Variants in PHF21A observed in about 807,000 individuals in gnomAD.
PHF21A encodes PHD finger protein 21A, also known as BHC80a.
PHF21A carries 11 observed loss-of-function variants against 82.5 expected under a neutral mutation model. The observed-to-expected ratio is 0.13, with a 90% CI of 0.08 to 0.22. PHF21A has a LOEUF of 0.22. Among genes scored for constraint, PHF21A ranks in the 10% least tolerant of loss-of-function variants. The probability of loss-of-function intolerance (pLI) is 1.00; values close to 1 mark genes in which losing one functional copy is unlikely to be tolerated. For missense variants in PHF21A, 579 were observed against 837.8 expected (o/e 0.69, Z 3.81); for synonymous variants, 297 against 302.8 (o/e 0.98, Z 0.20).
chr11:45,958,070 T>TA (rs2092795858), intron 10 of PHF21A, among the ~76,000 whole-genome samples: 1 of 151,802 alleles, frequency 6.6e-6, no homozygotes, highest in African/African-American at 2.4e-5. Context: ...TGACTCAAGA[T>TA]AAAGAAAATC....
intron 7 of PHF21A, among the ~76,000 whole-genome samples, chr11:45,974,620 A>AT (rs35677534): frequency 0.53 from 79,825 of 151,000 alleles, 23,282 homozygotes; most frequent in Non-Finnish European, 0.66. Context: ...CACCTGGCTA[A>AT]TTTTTTTTAT....
At chr11:45,938,043 C>T (rs1033816172) in intron 16 of PHF21A, 114 bp downstream of exon 16, 35 of 896,122 alleles carry the variant, frequency 3.9e-5, no homozygotes, top group East Asian at 5.2e-5. Context: ...AGATGCAGCC[C>T]GGAGACGGAC....
chr11:46,119,111 T>TAAA (rs33935532), intron 1 of PHF21A, among the ~76,000 whole-genome samples: 151 of 149,976 alleles, frequency 1.0e-3, no homozygotes, highest in Admixed American at 1.9e-3. Flanking sequence ...ACAACTGCTT[T>TAAA]AAAAAAAAAA....
chr11:46,032,196 C>T (rs929237678), intron 6 of PHF21A, among the ~76,000 whole-genome samples: 1 of 151,878 alleles, frequency 6.6e-6, no homozygotes, highest in Non-Finnish European at 1.5e-5. Flanking sequence ...TCACAAAAAG[C>T]GAAAATATCA....
intron 1 of PHF21A, among the ~76,000 whole-genome samples, chr11:46,098,834 G>A (rs140795845): frequency 7.9e-5 from 12 of 152,326 alleles, no homozygotes; most frequent in Middle Eastern, 3.4e-3. Context: ...AGTTCTGGGT[G>A]TAAACCATAA....
chr11:46,059,883 C>T (rs918642950), intron 6 of PHF21A, among the ~76,000 whole-genome samples: 13 of 152,174 alleles, frequency 8.5e-5, no homozygotes, highest in Admixed American at 5.2e-4. Context: ...CCCACCACCA[C>T]GCCCAGCTGA....
chr11:46,103,220 A>G (rs1242501610), intron 1 of PHF21A, among the ~76,000 whole-genome samples: 1 of 152,366 alleles, frequency 6.6e-6, no homozygotes, highest in East Asian at 1.9e-4. Context: ...ACACATATTT[A>G]TCAAAATGAA....
chr11:46,079,830 TGGAAAGGAAA>T (rs773773637), intron 4 of PHF21A, among the ~76,000 whole-genome samples: 2 of 70,966 alleles, frequency 2.8e-5, no homozygotes, highest in Non-Finnish European at 5.9e-5. Flanking sequence ...CCCAAACAAA[TGGAAAGGAAA>T]GGAAAGGAAA....
Position 46,014,760 on chromosome 11 carries a change from C to G in PHF21A, c.154-34794G>C, listed in dbSNP as rs537030393. Reference sequence around the variant, plus strand: ...CTTTGGGAGGCCGAGGCGGGCGGATCACGAGGTCAGGAGATCGAGACCATC... The same window carrying G: ...CTTTGGGAGGCCGAGGCGGGCGGATGACGAGGTCAGGAGATCGAGACCATC... On this transcript the variant is annotated intron_variant, in intron 6 of 18. Coordinates refer to ENST00000676320, the MANE Select transcript of PHF21A (RefSeq NM_001352027.3). Among the ~76,000 whole-genome samples the G allele has an allele frequency of 5.6e-3, 273 of 48,768 alleles. 63 individuals are homozygous for G. The highest frequency in any genetic ancestry group is 8.3e-3 in the African/African-American group (34 of 4,084). 32.0% of individuals were successfully genotyped at this position (48,768 alleles called of 152,430 possible).
intron 7 of PHF21A, among the ~76,000 whole-genome samples, chr11:45,975,661 C>G (rs1416727109): frequency 6.6e-6 from 1 of 152,106 alleles, no homozygotes; most frequent in Non-Finnish European, 1.5e-5. Flanking sequence ...GGAGAGTATA[C>G]CTGTATTTAA....
chr11:46,114,092 C>T (rs1027426323), intron 1 of PHF21A, among the ~76,000 whole-genome samples: 2 of 151,310 alleles, frequency 1.3e-5, no homozygotes, highest in African/African-American at 4.9e-5. Context: ...TCCCTACACA[C>T]ACACACACAC....
chr11:46,022,293 A>G (rs1260052218), intron 6 of PHF21A, among the ~76,000 whole-genome samples: 1 of 152,086 alleles, frequency 6.6e-6, no homozygotes, highest in Non-Finnish European at 1.5e-5. Context: ...ATTTCTACAA[A>G]AAAATTTAAA....
At chr11:45,969,719 T>C (rs1050326511) in intron 9 of PHF21A, 96 bp downstream of exon 9, 4 of 771,694 alleles carry the variant, frequency 5.2e-6, no homozygotes, top group Non-Finnish European at 6.8e-6. Flanking sequence ...GATAGACAGC[T>C]GGGCTGACAA....
Position 46,114,590 on chromosome 11 carries a change from G to T in PHF21A, c.-237+6345C>A, listed in dbSNP as rs79911762. ...ACAACATACTGTCCATAAGGCCAGAGATAGCAGTTGCCATGGTTACTATAC... is the reference window on the plus strand; with the variant it reads ...ACAACATACTGTCCATAAGGCCAGATATAGCAGTTGCCATGGTTACTATAC... On this transcript the variant is annotated intron_variant, in intron 1 of 18. Coordinates refer to ENST00000676320, the MANE Select transcript of PHF21A (RefSeq NM_001352027.3). Among the ~76,000 whole-genome samples, 126 of 152,304 alleles carry T rather than the reference G, an allele frequency of 8.3e-4. 1 individual carries two copies. The East Asian group carries it at 0.024, about 28-fold the overall frequency.
intron 6 of PHF21A, among the ~76,000 whole-genome samples, chr11:46,050,041 G>A (rs2096327101): frequency 6.6e-6 from 1 of 152,184 alleles, no homozygotes; most frequent in Non-Finnish European, 1.5e-5. Flanking sequence ...CTGCTCTTAT[G>A]CAATTAAAAG....
At chr11:46,020,868 T>C (rs1412074276) in intron 6 of PHF21A, among the ~76,000 whole-genome samples, 1 of 152,192 alleles carries the variant, frequency 6.6e-6, no homozygotes, top group Non-Finnish European at 1.5e-5. Context: ...TCAGTAAGCT[T>C]CTCAATTAAC....
intron 5 of PHF21A, among the ~76,000 whole-genome samples, chr11:46,077,671 T>C (rs939906663): frequency 3.3e-5 from 5 of 152,214 alleles, no homozygotes; most frequent in African/African-American, 9.7e-5. Flanking sequence ...TTTTTATTAG[T>C]GTATTTGACA....
intron 5 of PHF21A, among the ~76,000 whole-genome samples, chr11:46,078,611 G>C (rs1412765000): frequency 6.6e-6 from 1 of 151,970 alleles, no homozygotes; most frequent in South Asian, 2.1e-4. Flanking sequence ...AGTAACATAA[G>C]GTACTTTTTA....
intron 6 of PHF21A, among the ~76,000 whole-genome samples, chr11:46,030,803 CAT>C (rs1420624178): frequency 2.0e-5 from 3 of 146,838 alleles, no homozygotes; most frequent in East Asian, 2.0e-4. Context: ...TTCTAAACCA[CAT>C]AGTGTGTGTG....
Sources: allele counts gnomAD v4.1 joint callset (sites outside exome capture counted in the v4.1 genomes callset), GRCh38; gene constraint gnomAD v4.1.1; transcripts MANE v1.5; gene names NCBI Gene and HGNC (gene_info 2026-07-23, HGNC 2026-07-21).